The following USP29 variants were observed in gnomAD, a reference collection of about 807,000 sequenced individuals.
USP29 encodes ubiquitin specific peptidase 29, also known as ubiquitin carboxyl-terminal hydrolase 29.
For synonymous variants in USP29, 386 were observed against 387.4 expected (o/e 1.00, Z 0.04); for missense variants, 1,102 against 1,069.0 (o/e 1.03, Z -0.43).
intron 2 of USP29, among the ~76,000 whole-genome samples, chr19:57,123,091 A>G (rs931329462): frequency 6.6e-6 from 1 of 152,202 alleles, no homozygotes; most frequent in African/African-American, 2.4e-5. Context: ...GCACCCATCA[A>G]CAGCAGCCAT....
At chr19:57,126,236 TG>T (rs1261328681) in intron 3 of USP29, among the ~76,000 whole-genome samples, 1 of 152,140 alleles carries the variant, frequency 6.6e-6, no homozygotes, top group African/African-American at 2.4e-5. Context: ...TTATGTGTCT[TG>T]GGGTTGCTCT....
chr19:57,131,580 G>A lies in USP29; in HGVS notation c.*136G>A. On this transcript the variant is annotated 3_prime_UTR_variant, in exon 4 of 4. Transcript: ENST00000254181. ...ATCTCAATGAAAAACACTTATTTTG[G>A]GGGAATATCTATTTTAACTGCTTCA... 2 of 1,388,714 alleles carry A rather than the reference G, an allele frequency of 1.4e-6. No individual in the cohort carries two copies. Among genetic ancestry groups the A allele is most frequent in the Non-Finnish European group, 1.9e-6 (2 of 1,035,776 alleles). 86.0% of individuals were successfully genotyped at this position (1,388,714 alleles called of 1,614,324 possible). A position where few individuals can be genotyped will look rare whatever the true frequency, so the allele number is the denominator to read the frequency against.
Position 57,130,640 on chromosome 19 carries a change from A to G in USP29, c.1965A>G (p.Gly655=), listed in dbSNP as rs2086853135. ...TGGCTGACTCACTGATGGACCAGGG[A>G]GACATTTCTCTTCCTGTGATGTATG... is the stretch of plus-strand genomic sequence containing the variant. ...LPVADSLMDQ[G]DISLPVMYED... Residue 655 remains glycine, a synonymous_variant, in exon 4 of 4, where the codon GGA becomes GGG. Transcript: ENST00000254181. 6.2e-6 allele frequency: 10 copies of G among 1,614,014 alleles called. 1 individual carries two copies. The highest frequency in any genetic ancestry group is 3.3e-5 in the South Asian group (3 of 91,084).
At chr19:57,126,429 C>G (rs758849541) in intron 3 of USP29, among the ~76,000 whole-genome samples, 49 of 152,096 alleles carry the variant, frequency 3.2e-4, no homozygotes, top group Middle Eastern at 3.2e-3. Flanking sequence ...CACATAGTCC[C>G]ATGTTTCTTG....
chr19:57,129,545 G>A lies in USP29; in HGVS notation c.870G>A (p.Leu290=). 1.2e-6 allele frequency: 2 copies of A among 1,614,122 alleles called. No homozygotes were observed. The highest frequency in any genetic ancestry group is 1.6e-4 in the Middle Eastern group (1 of 6,062). ...AACTGCAGCAGGGGTTCCCCAATTT[G>A]GGAAACACCTGTTACATGAATGCAG... ...SQQLQQGFPN[L]GNTCYMNAVL... The change falls in exon 4 of 4, where the codon TTG becomes TTA. Residue 290 remains leucine (L), a synonymous_variant. Coordinates refer to ENST00000254181, the MANE Select transcript of USP29 (RefSeq NM_020903.3).
chr19:57,130,448 G>C lies in USP29; in HGVS notation c.1773G>C (p.Leu591=). 6.2e-7 allele frequency: 1 copy of C among 1,614,152 alleles called. No homozygotes were observed. The highest frequency in any genetic ancestry group is 8.5e-7 in the Non-Finnish European group (1 of 1,180,036). The change falls in exon 4 of 4, where the codon CTG becomes CTC. Residue 591 remains leucine (L), a synonymous_variant. Transcript: ENST00000254181. ...TGACCTCAGAATCCAGTGATTCCCT[G>C]GTTCTACCCGTTGAACCAGACAAGA... ...MKLTSESSDS[L]VLPVEPDKNA...
Position 57,131,223 on chromosome 19 carries a change from A to G in USP29, c.2548A>G (p.Lys850Glu), listed in dbSNP as rs2086858428. 1 of 1,614,216 alleles carries G rather than the reference A, an allele frequency of 6.2e-7. No individual in the cohort carries two copies. Among genetic ancestry groups the G allele is most frequent in the Non-Finnish European group, 8.5e-7 (1 of 1,180,030 alleles). The change falls in exon 4 of 4, where the codon AAG (lysine) becomes GAG (glutamate). Residue 850 changes from lysine (K) to glutamate (E), a missense_variant. Physicochemically the swap from Lys to Glu is moderately conservative, Grantham distance 56 (BLOSUM62 1). Coordinates refer to ENST00000254181, the MANE Select transcript of USP29 (RefSeq NM_020903.3). ...HYISDVYDFQKQAWFTYNDLC... is the reference protein window; with the variant it reads ...HYISDVYDFQEQAWFTYNDLC... ...CATCAGCGATGTGTATGACTTTCAG[A>G]AGCAGGCCTGGTTCACATACAACGA...
chr19:57,130,456 C>T lies in USP29; in HGVS notation c.1781C>T (p.Pro594Leu). Residue 594 changes from proline to leucine, a missense_variant, in exon 4 of 4, where the codon CCC becomes CTC. Coordinates refer to ENST00000254181, the MANE Select transcript of USP29 (RefSeq NM_020903.3). ...GAATCCAGTGATTCCCTGGTTCTAC[C>T]CGTTGAACCAGACAAGAATGCCGAC... is the stretch of plus-strand genomic sequence containing the variant. ...TSESSDSLVL[P>L]VEPDKNADLQ... The T allele has an allele frequency of 1.2e-6, 2 of 1,614,126 alleles. No individual in the cohort carries two copies. The highest frequency in any genetic ancestry group is 8.5e-7 in the Non-Finnish European group (1 of 1,180,022).
Position 57,130,732 on chromosome 19 carries a change from C to T in USP29, c.2057C>T (p.Pro686Leu). ...RLVEVHLQEV[P>L]QHPELQKYEK... ...GTCGAGGTTCATCTTCAAGAGGTGC[C>T]TCAACATCCAGAACTTCAGAAGTAT... Residue 686 changes from proline to leucine, a missense_variant, in exon 4 of 4, where the codon CCT (proline) becomes CTT (leucine). Transcript: ENST00000254181. The T allele has an allele frequency of 6.2e-7, 1 of 1,614,052 alleles. No homozygotes were observed.
chr19:57,120,946 T>A (rs2086792147), intron 1 of USP29, among the ~76,000 whole-genome samples: 2 of 150,888 alleles, frequency 1.3e-5, no homozygotes, highest in African/African-American at 2.4e-5. Context: ...ATACAAAAAA[T>A]TAGCCAGGCG....
In USP29 at chr19:57,122,409, A is replaced by G. The variant is rs1454762897; in HGVS notation, c.-183A>G. 1.3e-5 allele frequency: 2 copies of G among 152,160 alleles called. No individual in the cohort carries two copies. Among genetic ancestry groups the G allele is most frequent in the Admixed American group, 6.6e-5 (1 of 15,262 alleles). 9.4% of individuals were successfully genotyped at this position (152,160 alleles called of 1,614,324 possible). A position where few individuals can be genotyped will look rare whatever the true frequency, so the allele number is the denominator to read the frequency against. The stretch of plus-strand genomic sequence containing the variant: ...CAGGAGTTTGGGACCACCCTGGGCA[A>G]CATAGCAAGATCTCATTTCTGAAAA... On this transcript the variant is annotated 5_prime_UTR_variant, in exon 2 of 4. Coordinates refer to ENST00000254181, the MANE Select transcript of USP29 (RefSeq NM_020903.3).
At chr19:57,121,262 A>ATATATATACTTATATATGT (rs1440188047) in intron 1 of USP29, among the ~76,000 whole-genome samples, 8 of 148,120 alleles carry the variant, frequency 5.4e-5, no homozygotes, top group Admixed American at 2.7e-4. Context: ...TATATATGTT[A>ATATATATACTTATATATGT]TATATATACT....
In USP29 at chr19:57,129,097, C is replaced by G; in HGVS notation, c.422C>G (p.Pro141Arg). Reference protein sequence around the residue: ...KTSFYSICNKPSYQKMPLFMS... With the variant: ...KTSFYSICNKRSYQKMPLFMS... ...TCATTTTACAGCATTTGTAACAAGC[C>G]AAGTTATCAGAAGATGCCTTTGTTT... Residue 141 changes from proline (P) to arginine (R), a missense_variant, in exon 4 of 4, where the codon CCA becomes CGA. Transcript: ENST00000254181. 6.2e-7 allele frequency: 1 copy of G among 1,612,096 alleles called. No homozygotes were observed. Among genetic ancestry groups the G allele is most frequent in the Non-Finnish European group, 8.5e-7 (1 of 1,179,046 alleles).
At chr19:57,121,389 A>G (rs1028686679) in intron 1 of USP29, among the ~76,000 whole-genome samples, 3 of 144,250 alleles carry the variant, frequency 2.1e-5, no homozygotes, top group African/African-American at 7.6e-5. Flanking sequence ...TATGTTATAT[A>G]TACTTATATA....
In USP29 at chr19:57,131,349, T is replaced by C. The variant is rs549087245; in HGVS notation, c.2674T>C (p.Leu892=). 8.1e-6 allele frequency: 13 copies of C among 1,614,128 alleles called. No homozygotes were observed. In the African/African-American group the frequency reaches 1.6e-4, roughly 20 times the overall value. The part of the protein sequence containing the change: ...YMHNGIFEEL[L]RKAENSRLPS... ...GCACAATGGGATTTTTGAGGAGCTG[T>C]TAAGAAAAGCAGAGAACTCTCGGCT... Residue 892 remains leucine, a synonymous_variant, in exon 4 of 4, where the codon TTA becomes CTA. Transcript: ENST00000254181.
upstream of USP29, chr19:57,119,266 C>T (rs551202571): frequency 1.4e-4 from 22 of 152,340 alleles, no homozygotes; most frequent in Non-Finnish European, 3.1e-4. Flanking sequence ...AAACCGTCCG[C>T]TTCCCCAAGA....
intron 1 of USP29, among the ~76,000 whole-genome samples, chr19:57,120,788 CAAAA>C (rs71293954): frequency 0.025 from 779 of 31,072 alleles, 2 homozygotes; most frequent in African/African-American, 0.077. Flanking sequence ...GACTCCGTCT[CAAAA>C]AAAAAAAAAA....
chr19:57,124,798 C>T (rs1056647462), intron 3 of USP29, among the ~76,000 whole-genome samples: 5 of 152,074 alleles, frequency 3.3e-5, no homozygotes, highest in South Asian at 2.1e-4. Flanking sequence ...TGTGAGCCAC[C>T]GTGCCCAGAC....
At chr19:57,121,033 T>A (rs2086792675) in intron 1 of USP29, among the ~76,000 whole-genome samples, 1 of 150,396 alleles carries the variant, frequency 6.6e-6, no homozygotes, top group East Asian at 1.9e-4. Flanking sequence ...AAGCAGAGGC[T>A]GCAGTGAGCC....
Sources: gnomAD v4.1 joint callset for allele counts (sites outside exome capture counted in the v4.1 genomes callset) on GRCh38, gnomAD v4.1.1 for gene constraint, MANE v1.5 for transcripts, NCBI Gene and HGNC (gene_info 2026-07-23, HGNC 2026-07-21) for gene names.